The following IGSF9B variants were observed in gnomAD, a reference collection of about 807,000 sequenced individuals.
IGSF9B encodes immunoglobulin superfamily member 9B.
Under a neutral mutation model 143.7 loss-of-function variants are expected in IGSF9B, and 48 were observed. That is an observed-to-expected ratio of 0.33 (90% CI 0.26 to 0.42). IGSF9B has a LOEUF of 0.42. Ranked by LOEUF, IGSF9B falls within the 20% of genes least tolerant of loss-of-function variation. IGSF9B has a pLI of 1.00. For missense variants in IGSF9B, 1,706 were observed against 1,980.0 expected (o/e 0.86, Z 2.63); for synonymous variants, 903 against 833.1 (o/e 1.08, Z -1.44).
rs776365120 is a variant in IGSF9B, at chr11:133,920,213, T to TACC, written c.3509_3511dup (p.Trp1170dup). ...AGGCCGGGGCCGGGGCTGGGGCTCA[T>TACC]ACCACCGGGTGTCCAGGCCAAATGT... On this transcript the variant is annotated inframe_insertion, in exon 18 of 20. Coordinates refer to ENST00000533871, the MANE Select transcript of IGSF9B (RefSeq NM_001277285.4). 4 of 1,514,078 alleles carry TACC rather than the reference T, an allele frequency of 2.6e-6. No homozygotes were observed. Among genetic ancestry groups the TACC allele is most frequent in the Non-Finnish European group, 3.5e-6 (4 of 1,131,688 alleles). The allele number at this position is 1,514,078 out of a possible 1,614,324, so 93.8% of individuals were successfully genotyped here. A position where few individuals can be genotyped will look rare whatever the true frequency, so the allele number is the denominator to read the frequency against.
rs573999623 is a variant in IGSF9B, at chr11:133,941,852, G to A, written c.409+2368C>T. Among the ~76,000 whole-genome samples the A allele has an allele frequency of 1.0e-3, 152 of 152,220 alleles. 4 individuals carry two copies. The South Asian group carries it at 0.03, about 31-fold the overall frequency. On this transcript the variant is annotated intron_variant, in intron 3 of 19. Coordinates refer to ENST00000533871, the MANE Select transcript of IGSF9B (RefSeq NM_001277285.4). Reference sequence around the variant, plus strand: ...ACCCTACTCCACTTCCCACCTGCACGTGACGAACTCCCCTCCCTAGCCAGG... The same window carrying A: ...ACCCTACTCCACTTCCCACCTGCACATGACGAACTCCCCTCCCTAGCCAGG...
At chr11:133,910,471 C>T (rs1443683426) in intron 19 of IGSF9B, among the ~76,000 whole-genome samples, 3 of 152,148 alleles carry the variant, frequency 2.0e-5, no homozygotes, top group South Asian at 2.1e-4. Flanking sequence ...GCGGGCTCGA[C>T]GTAAGATGTG....
chr11:133,931,178 G>A lies in IGSF9B; in HGVS notation c.1369-44C>T, dbSNP rs758602659. 7.0e-6 allele frequency: 11 copies of A among 1,578,202 alleles called. No homozygotes were observed. The highest frequency in any genetic ancestry group is 4.5e-5 in the East Asian group (2 of 44,292). ...GGGAAGAGGGTGGGAACAGAAATGG[G>A]GGTTAGGAGAGAAGCCCGAAGCAGA... On this transcript the variant is annotated intron_variant, in intron 10 of 19. Transcript: ENST00000533871. This position sits in a 1 kb window ranked among gnomAD's most constrained non-coding sequence, Gnocchi z 7.7.
In IGSF9B at chr11:133,898,558, G is replaced by A. The variant is rs978998780; in HGVS notation, c.*10511C>T. On this transcript the variant is annotated 3_prime_UTR_variant, in exon 20 of 20. Coordinates refer to ENST00000533871, the MANE Select transcript of IGSF9B (RefSeq NM_001277285.4). ...AGCGGGATGTGGTCCCTTCACGTCAGTGACTGCGCCCCCTTCTGGGCCCTC... is the reference window on the plus strand; with the variant it reads ...AGCGGGATGTGGTCCCTTCACGTCAATGACTGCGCCCCCTTCTGGGCCCTC... 2 of 154,354 alleles carry A rather than the reference G, an allele frequency of 1.3e-5. No individual in the cohort carries two copies. The highest frequency in any genetic ancestry group is 4.8e-5 in the African/African-American group (2 of 41,534). 9.6% of individuals were successfully genotyped at this position (154,354 alleles called of 1,614,324 possible). A position where few individuals can be genotyped will look rare whatever the true frequency, so the allele number is the denominator to read the frequency against.
chr11:133,930,903 G>A, intron 11 of IGSF9B, 81 bp downstream of exon 11: 1 of 1,390,074 alleles, frequency 7.2e-7, no homozygotes, highest in Non-Finnish European at 9.7e-7. Flanking sequence ...GCCACCAGGG[G>A]ACGCTCCCAG....
intron 15 of IGSF9B, among the ~76,000 whole-genome samples, chr11:133,922,987 A>T (rs1396862163): frequency 3.3e-5 from 5 of 152,242 alleles, no homozygotes. Flanking sequence ...GGGGATAATG[A>T]CTTCAAGAGT....
In IGSF9B at chr11:133,919,626, C is replaced by CGGACAG. The variant is rs1187129751; in HGVS notation, c.3983+115_3983+116insCTGTCC. On this transcript the variant is annotated intron_variant, in intron 18 of 19. Coordinates refer to ENST00000533871, the MANE Select transcript of IGSF9B (RefSeq NM_001277285.4). ...AACTCCTCTCCGAGGGACGCCGGTGCGGCATGTCCGCACGAGCCCTGTCGC... is the reference window on the plus strand; with the variant it reads ...AACTCCTCTCCGAGGGACGCCGGTGCGGACAGGGCATGTCCGCACGAGCCCTGTCGC... The CGGACAG allele has an allele frequency of 4.4e-6, 3 of 679,322 alleles. No homozygotes were observed. In the Admixed American group the frequency reaches 1.2e-4, roughly 26 times the overall value. The allele number at this position is 679,322 out of a possible 1,614,324, so 42.1% of individuals were successfully genotyped here.
chr11:133,955,880 A>AC (rs1038726198), intron 1 of IGSF9B, among the ~76,000 whole-genome samples: 11 of 147,964 alleles, frequency 7.4e-5, no homozygotes, highest in South Asian at 2.2e-4. Flanking sequence ...CAGCGTGGGG[A>AC]CCCCCCCTTC....
At position 133,931,368 on chromosome 11, in the gene IGSF9B, C is replaced by T; in HGVS notation, c.1368+85G>A. ...CACCTCCCCTCAGCCCCGGGGCTCG[C>T]TGGGCCCTCAAACCTCCCCGCAGCC... On this transcript the variant is annotated intron_variant, in intron 10 of 19. Transcript: ENST00000533871. This position sits in a 1 kb window ranked among gnomAD's most constrained non-coding sequence, Gnocchi z 7.7. 2.9e-6 allele frequency: 3 copies of T among 1,022,354 alleles called. No individual in the cohort carries two copies. 63.3% of individuals were successfully genotyped at this position (1,022,354 alleles called of 1,614,324 possible). A position where few individuals can be genotyped will look rare whatever the true frequency, so the allele number is the denominator to read the frequency against.
intron 18 of IGSF9B, among the ~76,000 whole-genome samples, chr11:133,914,598 C>A (rs529454966): frequency 2.9e-4 from 44 of 152,262 alleles, no homozygotes; most frequent in African/African-American, 1.1e-3. Context: ...AAGCTCCAGC[C>A]CTTCCGGGAC....
chr11:133,934,341 GGGACGGGGCGCACCTTTGTGGT>G (rs1160186376), intron 7 of IGSF9B, among the ~76,000 whole-genome samples: 1 of 152,208 alleles, frequency 6.6e-6, no homozygotes, highest in African/African-American at 2.4e-5. Flanking sequence ...CCAGCACAGA[GGGACGGGGCGCACCTTTGTGGT>G]GGACGGGTCT....
intron 7 of IGSF9B, 39 bp from the exon 8 acceptor site, chr11:133,932,252 G>C: frequency 6.7e-7 from 1 of 1,493,276 alleles, no homozygotes; most frequent in Middle Eastern, 1.9e-4. Flanking sequence ...CAGACAGACA[G>C]ACACAGGGAC....
Position 133,919,828 on chromosome 11 carries a change from G to A in IGSF9B, c.3897C>T (p.Asp1299=), listed in dbSNP as rs978816405. The change falls in exon 18 of 20, where the codon GAC becomes GAT. Residue 1299 remains aspartate (D), a synonymous_variant. Coordinates refer to ENST00000533871, the MANE Select transcript of IGSF9B (RefSeq NM_001277285.4). ...PAPAGPGDSL[D]VFGQTPSPRR... is the part of the protein sequence containing the mutation. ...GAGGGGAAGGCGTCTGTCCAAACAC[G>A]TCCAAGCTGTCCCCAGGCCCAGCAG... 1.3e-6 allele frequency: 2 copies of A among 1,568,480 alleles called. No individual in the cohort carries two copies. Among genetic ancestry groups the A allele is most frequent in the East Asian group, 2.3e-5 (1 of 44,400 alleles).
intron 1 of IGSF9B, among the ~76,000 whole-genome samples, chr11:133,955,265 C>A (rs532860103): frequency 2.0e-5 from 3 of 152,320 alleles, no homozygotes; most frequent in African/African-American, 7.2e-5. Context: ...TCCGCCATCA[C>A]CCTTGCCTCA....
chr11:133,910,232 C>T (rs767526249), intron 19 of IGSF9B, among the ~76,000 whole-genome samples: 4 of 152,066 alleles, frequency 2.6e-5, no homozygotes, highest in Non-Finnish European at 5.9e-5. Context: ...CGTGTGTGTT[C>T]GTAACTGAAA....
At chr11:133,921,514 G>T in intron 17 of IGSF9B, 117 bp from the exon 18 acceptor site, 2 of 747,272 alleles carry the variant, frequency 2.7e-6, no homozygotes, top group South Asian at 2.3e-5. Context: ...CAAGAAAACT[G>T]GCTGTGTATC....
At chr11:133,954,202 C>G (rs989370271) in intron 1 of IGSF9B, among the ~76,000 whole-genome samples, 6 of 152,212 alleles carry the variant, frequency 3.9e-5, no homozygotes, top group Non-Finnish European at 8.8e-5. Context: ...CCCACCCGCT[C>G]TCTCCAGAGG....
In IGSF9B at chr11:133,912,790, G is replaced by A. The variant is rs185806896; in HGVS notation, c.3984-783C>T. Among the ~76,000 whole-genome samples the A allele has an allele frequency of 3.9e-5, 6 of 152,316 alleles. No homozygotes were observed. The East Asian group carries it at 5.8e-4, about 15-fold the overall frequency. On this transcript the variant is annotated intron_variant, in intron 18 of 19. Coordinates refer to ENST00000533871, the MANE Select transcript of IGSF9B (RefSeq NM_001277285.4). ...GTATTTTAGGATTCGACAGAGAAACGAGGCTATTGGAACAGACCATGTGTA... is the reference window on the plus strand; with the variant it reads ...GTATTTTAGGATTCGACAGAGAAACAAGGCTATTGGAACAGACCATGTGTA...
Position 133,920,695 on chromosome 11 carries a change from G to T in IGSF9B, c.3030C>A (p.Pro1010=). 2 of 1,613,460 alleles carry T rather than the reference G, an allele frequency of 1.2e-6. No individual in the cohort carries two copies. Among genetic ancestry groups the T allele is most frequent in the Non-Finnish European group, 1.7e-6 (2 of 1,179,746 alleles). ...PLPTEGPFGH[P]TIPEENGENA... ...TCTCTCCATTCTCCTCGGGGATGGTGGGGTGGCCAAAGGGCCCCTCGGTGG... is the reference window on the plus strand; with the variant it reads ...TCTCTCCATTCTCCTCGGGGATGGTTGGGTGGCCAAAGGGCCCCTCGGTGG... Residue 1010 remains proline, a synonymous_variant, in exon 18 of 20, where the codon CCC becomes CCA. Transcript: ENST00000533871.
Sources: gnomAD v4.1 joint callset for allele counts (sites outside exome capture counted in the v4.1 genomes callset) on GRCh38, gnomAD v4.1.1 for gene constraint, Gnocchi (gnomAD v3.1) non-coding constraint, MANE v1.5 for transcripts, NCBI Gene and HGNC (gene_info 2026-07-23, HGNC 2026-07-21) for gene names.